RASSF8: variants seen among roughly 807,000 people sequenced by gnomAD.
RASSF8 encodes the protein ras association domain-containing protein 8.
A neutral mutation model predicts 48.5 loss-of-function variants in RASSF8; 22 were observed. The ratio of observed to expected loss-of-function variants is 0.45; its 90% CI spans 0.32 to 0.65. The LOEUF (loss-of-function observed/expected upper bound fraction) is 0.65, where lower values mean the gene tolerates loss of function less well. RASSF8 is among the 30% of genes least tolerant of loss of function. RASSF8 has a pLI of 0.03. For synonymous variants in RASSF8, 127 were observed against 171.5 expected (o/e 0.74, Z 2.03); for missense variants, 418 against 489.2 (o/e 0.85, Z 1.37).
chr12:26,020,919 G>A (rs574283857), intron 2 of RASSF8, among the ~76,000 whole-genome samples: 2 of 152,172 alleles, frequency 1.3e-5, no homozygotes, highest in East Asian at 3.9e-4. Context: ...ATCTTACGAA[G>A]GACTAAATAT....
chr12:26,046,277 T>A (rs1289090534), intron 2 of RASSF8, among the ~76,000 whole-genome samples: 1 of 152,222 alleles, frequency 6.6e-6, no homozygotes, highest in African/African-American at 2.4e-5. Flanking sequence ...CCAGAATTAG[T>A]GATTACAAAT....
rs1250138835 is a variant in RASSF8 at position 26,037,231 on chromosome 12, A to G, written c.-108-18005A>G. Among the ~76,000 whole-genome samples, 26 of 152,214 alleles carry G rather than the reference A, an allele frequency of 1.7e-4. 1 individual carries two copies. The highest frequency in any genetic ancestry group is 1.7e-3 in the Admixed American group (26 of 15,278). ...TACAGAATTTGAAAACAATAAAATT[A>G]AGAGTCCTGAAAGCTGACCTTCCTT... is the stretch of plus-strand genomic sequence containing the variant. On this transcript the variant is annotated intron_variant, in intron 2 of 5. Transcript: ENST00000689635.
intron 1 of RASSF8, among the ~76,000 whole-genome samples, chr12:25,982,385 GT>G (rs1941765645): frequency 6.6e-6 from 1 of 152,206 alleles, no homozygotes; most frequent in African/African-American, 2.4e-5. Flanking sequence ...AATGGTTTTA[GT>G]TGAACAGAAG....
Position 26,065,286 on chromosome 12 carries a change from G to A in RASSF8, c.892G>A (p.Val298Ile), listed in dbSNP as rs1224976481. The A allele has an allele frequency of 2.5e-6, 4 of 1,614,018 alleles. No individual in the cohort carries two copies. The South Asian group carries it at 4.4e-5, about 18-fold the overall frequency. ...AGAGGTTAAAGGAAAGATCGGTAAGGTCAAAGGGGAGATTGACATTCAAGG... is the reference window on the plus strand; with the variant it reads ...AGAGGTTAAAGGAAAGATCGGTAAGATCAAAGGGGAGATTGACATTCAAGG... ...EEEVKGKIGK[V>I]KGEIDIQGQQ... Residue 298 changes from valine (V) to isoleucine (I), a missense_variant, in exon 4 of 6, where the codon GTC becomes ATC. Transcript: ENST00000689635.
rs1360813172 is a variant in RASSF8, at chr12:25,976,533, G to GT, written c.-203+17385_-203+17386insT. ...CTGCAACGAATCAGACTGATTGTGG[G>GT]CTACCACTTCGGTTACATGAGATGA... On this transcript the variant is annotated intron_variant, in intron 1 of 5. Coordinates refer to ENST00000689635, the MANE Select transcript of RASSF8 (RefSeq NM_001394098.1). Among the ~76,000 whole-genome samples, 3 of 152,280 alleles carry GT rather than the reference G, an allele frequency of 2.0e-5. No individual in the cohort carries two copies. In the East Asian group the frequency reaches 5.8e-4, roughly 29 times the overall value.
chr12:26,070,584 A>G lies in RASSF8; in HGVS notation c.*1766A>G, dbSNP rs1471351034. 2 of 970,206 alleles carry G rather than the reference A, an allele frequency of 2.1e-6. No homozygotes were observed. The highest frequency in any genetic ancestry group is 2.3e-4 in the East Asian group (2 of 8,760). The allele number at this position is 970,206 out of a possible 1,614,324, so 60.1% of individuals were successfully genotyped here. On this transcript the variant is annotated 3_prime_UTR_variant, in exon 6 of 6. Transcript: ENST00000689635. ...TACACATTTGCTCACAATTTATAGTAGTTATTTTCTATCTACCTATATTTA... is the reference window on the plus strand; with the variant it reads ...TACACATTTGCTCACAATTTATAGTGGTTATTTTCTATCTACCTATATTTA...
intron 1 of RASSF8, among the ~76,000 whole-genome samples, chr12:25,985,194 A>G (rs1207362957): frequency 6.6e-6 from 1 of 152,188 alleles, no homozygotes; most frequent in Non-Finnish European, 1.5e-5. Flanking sequence ...AGTTCCACAA[A>G]TGTTCTGTAG....
chr12:26,063,733 GTT>G (rs570771077), intron 3 of RASSF8, among the ~76,000 whole-genome samples: 27 of 137,942 alleles, frequency 2.0e-4, no homozygotes, highest in African/African-American at 3.7e-4. Context: ...TTTGCTTTGA[GTT>G]TTTTTTTTTT....
chr12:26,055,576 G>T (rs1375111400), intron 3 of RASSF8, 130 bp downstream of exon 3: 2 of 780,804 alleles, frequency 2.6e-6, no homozygotes, highest in Admixed American at 4.2e-5. Flanking sequence ...AGGCACTCTT[G>T]TACTTATTAC....
At chr12:26,006,419 A>C (rs1282751983) in intron 2 of RASSF8, among the ~76,000 whole-genome samples, 2 of 152,190 alleles carry the variant, frequency 1.3e-5, no homozygotes, top group Non-Finnish European at 1.5e-5. Context: ...GCTTTAGTGG[A>C]TGTTTGAAGA....
chr12:25,987,091 T>C (rs1280623367), intron 1 of RASSF8, among the ~76,000 whole-genome samples: 1 of 152,156 alleles, frequency 6.6e-6, no homozygotes, highest in Non-Finnish European at 1.5e-5. Flanking sequence ...TGTGCCACCA[T>C]GCCCAGCTAA....
chr12:25,999,079 C>A (rs1039609459), intron 2 of RASSF8, among the ~76,000 whole-genome samples: 1 of 151,848 alleles, frequency 6.6e-6, no homozygotes, highest in African/African-American at 2.4e-5. Context: ...GGCTCTGGGA[C>A]AAGTAAATAA....
intron 2 of RASSF8, among the ~76,000 whole-genome samples, chr12:26,036,876 A>G (rs1336397950): frequency 6.6e-6 from 1 of 152,174 alleles, no homozygotes; most frequent in Non-Finnish European, 1.5e-5. Flanking sequence ...AGATAACACC[A>G]CTGCACTCCA....
At chr12:26,022,002 GAGA>G (rs1942797638) in intron 2 of RASSF8, among the ~76,000 whole-genome samples, 2 of 152,212 alleles carry the variant, frequency 1.3e-5, no homozygotes, top group Admixed American at 6.5e-5. Context: ...AAGAGAATCA[GAGA>G]AGGAGCTAAG....
At chr12:26,048,180 A>T (rs1011555750) in intron 2 of RASSF8, among the ~76,000 whole-genome samples, 4 of 152,108 alleles carry the variant, frequency 2.6e-5, no homozygotes, top group Non-Finnish European at 5.9e-5. Context: ...AATTAAAAGC[A>T]CTCACTGTGC....
intron 3 of RASSF8, among the ~76,000 whole-genome samples, chr12:26,058,544 A>G (rs201395627): frequency 3.5e-4 from 46 of 131,272 alleles, no homozygotes; most frequent in East Asian, 8.4e-4. Context: ...GCGCGCACAC[A>G]CACACACACA....
chr12:26,065,045 T>G lies in RASSF8; in HGVS notation c.651T>G (p.Asp217Glu), dbSNP rs747076960. The G allele has an allele frequency of 9.9e-6, 16 of 1,613,190 alleles. No individual in the cohort carries two copies. Among genetic ancestry groups the G allele is most frequent in the Admixed American group, 1.7e-5 (1 of 59,908 alleles). Residue 217 changes from aspartate (D) to glutamate (E), a missense_variant, in exon 4 of 6, where the codon GAT becomes GAG. Coordinates refer to ENST00000689635, the MANE Select transcript of RASSF8 (RefSeq NM_001394098.1). ...VRLEQKIKRNDVEIEEEEFWE... is the reference protein window; with the variant it reads ...VRLEQKIKRNEVEIEEEEFWE... ...TAGAGCAAAAGATCAAAAGAAACGATGTAGAAATTGAGGAGGAAGAATTCT... is the reference window on the plus strand; with the variant it reads ...TAGAGCAAAAGATCAAAAGAAACGAGGTAGAAATTGAGGAGGAAGAATTCT...
chr12:26,025,867 A>G (rs1202622890), intron 2 of RASSF8, among the ~76,000 whole-genome samples: 2 of 152,042 alleles, frequency 1.3e-5, no homozygotes, highest in South Asian at 4.1e-4. Context: ...ACTATAATAC[A>G]TTGTTGAAAG....
In RASSF8 at chr12:26,038,365, C is replaced by A. The variant is rs555098519; in HGVS notation, c.-108-16871C>A. ...ATTTTCATTTATGAGCACCGTAGAT[C>A]CTGCAAATGTACTTGTGTGTTTTTA... On this transcript the variant is annotated intron_variant, in intron 2 of 5. Transcript: ENST00000689635. 2.0e-5 allele frequency among the ~76,000 whole-genome samples: 3 copies of A among 152,264 alleles called. No individual in the cohort carries two copies. In the South Asian group the frequency reaches 6.2e-4, roughly 32 times the overall value.
Sources: allele counts gnomAD v4.1 joint callset (sites outside exome capture counted in the v4.1 genomes callset), GRCh38; gene constraint gnomAD v4.1.1; transcripts MANE v1.5; gene names NCBI Gene and HGNC (gene_info 2026-07-23, HGNC 2026-07-21).